The following CPXM2 variants were observed in gnomAD, a reference collection of about 807,000 sequenced individuals.
CPXM2 encodes carboxypeptidase X, M14 family member 2.
In CPXM2, 66 loss-of-function variants were observed where a neutral mutation model predicts 86.1. The observed-to-expected ratio is 0.77, with a 90% CI of 0.63 to 0.94. The LOEUF (loss-of-function observed/expected upper bound fraction) is 0.94, where lower values mean the gene tolerates loss of function less well. Among genes scored for constraint, CPXM2 ranks in the 40% least tolerant of loss-of-function variants. The pLI is 0.00. For missense variants in CPXM2, 948 were observed against 1,026.3 expected (o/e 0.92, Z 1.04); for synonymous variants, 388 against 400.2 (o/e 0.97, Z 0.36).
intron 7 of CPXM2, among the ~76,000 whole-genome samples, chr10:123,774,607 C>T (rs1478333868): frequency 6.6e-6 from 1 of 152,116 alleles, no homozygotes; most frequent in Non-Finnish European, 1.5e-5. Context: ...TTATGACATG[C>T]CTATGAGAGG....
intron 2 of CPXM2, among the ~76,000 whole-genome samples, chr10:123,898,077 T>C: frequency 6.6e-6 from 1 of 152,212 alleles, no homozygotes; most frequent in East Asian, 1.9e-4. Context: ...CACTGATGTT[T>C]CTGCAAGAGA....
At chr10:123,919,136 A>T (rs1945560639) in intron 2 of CPXM2, among the ~76,000 whole-genome samples, 1 of 152,188 alleles carries the variant, frequency 6.6e-6, no homozygotes, top group South Asian at 2.1e-4. Context: ...ACTGCTGTAC[A>T]TCCACTGCTC....
At chr10:123,766,909 A>G in intron 10 of CPXM2, 64 bp downstream of exon 10, 1 of 1,313,478 alleles carries the variant, frequency 7.6e-7, no homozygotes, top group Non-Finnish European at 1.1e-6. Flanking sequence ...TATCCTCTGC[A>G]AATACCAATG....
intron 4 of CPXM2, among the ~76,000 whole-genome samples, chr10:123,803,118 C>CTTTTTTTTTTTTTTTTTTTTTTTT (rs532954173): frequency 6.3e-5 from 4 of 63,634 alleles, no homozygotes; most frequent in Admixed American, 2.1e-4. Flanking sequence ...TTGTAGTACC[C>CTTTTTTTTTTTTTTTTTTTTTTTT]TTTTTTTTTT....
chr10:123,779,453 A>C (rs973571726), intron 7 of CPXM2, among the ~76,000 whole-genome samples: 1 of 152,218 alleles, frequency 6.6e-6, no homozygotes, highest in Non-Finnish European at 1.5e-5. Context: ...CTTTCTAAAA[A>C]TACTAAGAGC....
chr10:123,751,780 A>G (rs1311506903), intron 13 of CPXM2: 36 of 985,470 alleles, frequency 3.7e-5, no homozygotes, highest in Non-Finnish European at 4.3e-5. Context: ...TTGAGAACCG[A>G]AAGATTCTGA....
intron 4 of CPXM2, among the ~76,000 whole-genome samples, chr10:123,841,278 T>G (rs1848380124): frequency 6.6e-6 from 1 of 152,196 alleles, no homozygotes; most frequent in South Asian, 2.1e-4. Flanking sequence ...GATGCAGCTC[T>G]ACCTCCGTCT....
At chr10:123,747,866 G>A (rs1479887793) in intron 13 of CPXM2, among the ~76,000 whole-genome samples, 1 of 147,582 alleles carries the variant, frequency 6.8e-6, no homozygotes, top group East Asian at 2.0e-4. Context: ...AGGTTGCAGT[G>A]AGCTGGGATC....
At chr10:123,793,151 C>A (rs1405520405) in intron 6 of CPXM2, among the ~76,000 whole-genome samples, 1 of 152,122 alleles carries the variant, frequency 6.6e-6, no homozygotes, top group African/African-American at 2.4e-5. Context: ...TACCTGAGAC[C>A]ACAGTTGCTG....
At position 123,754,797 on chromosome 10, in the gene CPXM2, CCGACCAG is replaced by C. The variant is rs1469955487; in HGVS notation, c.1918-42_1918-36del. On this transcript the variant is annotated intron_variant, in intron 12 of 13. Transcript: ENST00000241305. This position sits in a 1 kb window ranked among gnomAD's most constrained non-coding sequence, Gnocchi z 4.0. ...AAACATGAGACACAGGGTGAGGTCA[CCGACCAG>C]CTCTGGACACAACCGGCACAACAGA... is the stretch of plus-strand genomic sequence containing the variant. 8.2e-7 allele frequency: 1 copy of C among 1,226,414 alleles called. No individual in the cohort carries two copies. Among genetic ancestry groups the C allele is most frequent in the East Asian group, 2.3e-5 (1 of 43,154 alleles). 76.0% of individuals were successfully genotyped at this position (1,226,414 alleles called of 1,614,324 possible).
chr10:123,849,111 C>CATCCGTGT, intron 3 of CPXM2, among the ~76,000 whole-genome samples: 1 of 152,316 alleles, frequency 6.6e-6, no homozygotes, highest in East Asian at 1.9e-4. Context: ...CTGAATGAAT[C>CATCCGTGT]ATCCGTGTTT....
At chr10:123,826,065 T>C (rs189307852) in intron 4 of CPXM2, among the ~76,000 whole-genome samples, 139 of 152,294 alleles carry the variant, frequency 9.1e-4, no homozygotes, top group African/African-American at 3.3e-3. Context: ...CCAGACACAA[T>C]TCTAAACTAC....
In CPXM2 at chr10:123,891,537, C is replaced by G; in HGVS notation, c.123G>C (p.Trp41Cys). 6.5e-7 allele frequency: 1 copy of G among 1,548,628 alleles called. No individual in the cohort carries two copies. ...GGCGCGCGTAGTAGGGCTCCCGGCT[C>G]CAGATCTCCTGCCCGTAATAATCAG... ...EDPDYYGQEI[W>C]SREPYYARPE... is the part of the protein sequence containing the mutation. Residue 41 changes from tryptophan to cysteine, a missense_variant, in exon 1 of 14, where the codon TGG (tryptophan) becomes TGC (cysteine). By Grantham distance (215) the Trp-to-Cys change is radical. Transcript: ENST00000241305. The surrounding 1 kb of genome is among the most constrained non-coding windows in gnomAD (Gnocchi z 5.6).
chr10:123,811,898 T>C (rs1847703217), intron 4 of CPXM2, among the ~76,000 whole-genome samples: 1 of 152,218 alleles, frequency 6.6e-6, no homozygotes, highest in Non-Finnish European at 1.5e-5. Flanking sequence ...AAGATAATGC[T>C]TTACACCTTT....
chr10:123,877,702 G>A (rs1168850954), intron 2 of CPXM2, among the ~76,000 whole-genome samples: 2 of 152,166 alleles, frequency 1.3e-5, no homozygotes, highest in African/African-American at 4.8e-5. Context: ...CAAAGGGTGT[G>A]GACATGAGAA....
chr10:123,809,029 G>A (rs1847636962), intron 4 of CPXM2, among the ~76,000 whole-genome samples: 1 of 152,072 alleles, frequency 6.6e-6, no homozygotes, highest in Non-Finnish European at 1.5e-5. Context: ...GTAGCATGGT[G>A]AAATAGCACG....
intron 4 of CPXM2, among the ~76,000 whole-genome samples, chr10:123,839,847 T>C (rs532090884): frequency 6.6e-6 from 1 of 152,330 alleles, no homozygotes; most frequent in East Asian, 1.9e-4. Flanking sequence ...CTCATCAGGT[T>C]TCTTTTCATT....
chr10:123,790,598 G>T lies in CPXM2; in HGVS notation c.889+7378C>A, dbSNP rs572728823. 2.0e-5 allele frequency among the ~76,000 whole-genome samples: 3 copies of T among 152,286 alleles called. No individual in the cohort carries two copies. In the East Asian group the frequency reaches 5.8e-4, roughly 29 times the overall value. ...TCACTATATTTAACAGTAAGGGGAA[G>T]CTGCCTTCTGCTGCTAGGAGGACAG... On this transcript the variant is annotated intron_variant, in intron 6 of 13. Transcript: ENST00000241305.
chr10:123,857,248 A>G (rs1381874653), intron 3 of CPXM2, among the ~76,000 whole-genome samples: 1 of 152,166 alleles, frequency 6.6e-6, no homozygotes, highest in Non-Finnish European at 1.5e-5. Context: ...GTATTGAGTT[A>G]TAAGGACTCT....
Sources: gnomAD v4.1 joint callset for allele counts (sites outside exome capture counted in the v4.1 genomes callset) on GRCh38, gnomAD v4.1.1 for gene constraint, Gnocchi (gnomAD v3.1) non-coding constraint, MANE v1.5 for transcripts, NCBI Gene and HGNC (gene_info 2026-07-23, HGNC 2026-07-21) for gene names.